The following ENOSF1 variants were observed in gnomAD, a reference collection of about 807,000 sequenced individuals.
ENOSF1 encodes enolase superfamily member 1.
Under a neutral mutation model 68.2 loss-of-function variants are expected in ENOSF1, and 73 were observed. The ratio of observed to expected loss-of-function variants is 1.07; its 90% CI spans 0.89 to 1.30. The LOEUF (loss-of-function observed/expected upper bound fraction) is 1.30, where lower values mean the gene tolerates loss of function less well. ENOSF1 is among the 50% of genes most tolerant of loss of function. The probability of loss-of-function intolerance (pLI) is 0.00; values close to 1 mark genes in which losing one functional copy is unlikely to be tolerated. For missense variants in ENOSF1, 589 were observed against 554.5 expected (o/e 1.06, Z -0.62); for synonymous variants, 223 against 210.4 (o/e 1.06, Z -0.52).
In ENOSF1 at chr18:685,984, A is replaced by G. The variant is rs1373350145; in HGVS notation, c.678T>C (p.Asp226=). The G allele has an allele frequency of 1.9e-6, 3 of 1,613,958 alleles. No individual in the cohort carries two copies. The African/African-American group carries it at 4.0e-5, about 22-fold the overall frequency. The part of the protein sequence containing the change: ...WTRFKVKVGA[D]LQDDMRRCQI... ...GGCATCTTCGCATGTCATCCTGGAG[A>G]TCAGCACCCACCTTTACTTTAAACC... is the stretch of plus-strand genomic sequence containing the variant. Residue 226 remains aspartate (D), a synonymous_variant, in exon 10 of 16, where the codon GAT becomes GAC. Coordinates refer to ENST00000647584, the MANE Select transcript of ENOSF1 (RefSeq NM_017512.7).
chr18:670,953 T>TA lies in ENOSF1; in HGVS notation c.*3351dup. The TA allele has an allele frequency of 6.9e-7, 1 of 1,458,752 alleles. No individual in the cohort carries two copies. Among genetic ancestry groups the TA allele is most frequent in the Non-Finnish European group, 9.3e-7 (1 of 1,071,400 alleles). 90.4% of individuals were successfully genotyped at this position (1,458,752 alleles called of 1,614,324 possible). A position where few individuals can be genotyped will look rare whatever the true frequency, so the allele number is the denominator to read the frequency against. ...ATATGGGAAAACAAATTGCAGAGTT[T>TA]AGTCTCTGATTAGCTTTTAAATTTG... On this transcript the variant is annotated 3_prime_UTR_variant, in exon 16 of 16. Coordinates refer to ENST00000647584, the MANE Select transcript of ENOSF1 (RefSeq NM_017512.7).
chr18:666,903 A>T (rs62090118), downstream of ENOSF1, among the ~76,000 whole-genome samples: 11,743 of 60,126 alleles, frequency 0.2, 1,587 homozygotes, highest in African/African-American at 0.39. Flanking sequence ...ATGGTGATGG[A>T]GATGGTGATG....
At position 706,822 on chromosome 18, in the gene ENOSF1, T is replaced by A. The variant is rs1220028490; in HGVS notation, c.85-244A>T. ...GTATGTATATATATATATATTTTTT[T>A]TTTTTTTCTTTTTTGAGACAGAGTC... On this transcript the variant is annotated intron_variant, in intron 1 of 15. Coordinates refer to ENST00000647584, the MANE Select transcript of ENOSF1 (RefSeq NM_017512.7). 2.7e-3 allele frequency: 421 copies of A among 156,892 alleles called. 3 individuals are homozygous for A. Among genetic ancestry groups the A allele is most frequent in the Non-Finnish European group, 4.5e-3 (329 of 72,860 alleles). 9.7% of individuals were successfully genotyped at this position (156,892 alleles called of 1,614,324 possible).
At chr18:706,014 T>C (rs1230735362) in intron 2 of ENOSF1, among the ~76,000 whole-genome samples, 4 of 151,890 alleles carry the variant, frequency 2.6e-5, no homozygotes, top group African/African-American at 7.3e-5. Flanking sequence ...GTCTCAAAAA[T>C]ATATACATAT....
At chr18:705,104 T>C (rs1280852095) in intron 2 of ENOSF1, among the ~76,000 whole-genome samples, 1 of 152,188 alleles carries the variant, frequency 6.6e-6, no homozygotes, top group Non-Finnish European at 1.5e-5. Flanking sequence ...ACTCACACAC[T>C]TCTTTTATAT....
rs201083818 is a variant in ENOSF1, at chr18:674,326, G to A, written c.1311C>T (p.Leu437=). ...QYPDGEVWKK[L]LPAQEN ...GCACTTAATTTTCTTGAGCAGGAAGGAGTTTCTTCCAAACTTCACCATCTG... is the reference window on the plus strand; with the variant it reads ...GCACTTAATTTTCTTGAGCAGGAAGAAGTTTCTTCCAAACTTCACCATCTG... Residue 437 remains leucine, a synonymous_variant, in exon 16 of 16, where the codon CTC becomes CTT. Transcript: ENST00000647584. 5.0e-6 allele frequency: 8 copies of A among 1,610,520 alleles called. No homozygotes were observed. The African/African-American group carries it at 8.0e-5, about 16-fold the overall frequency.
rs36005458 is a variant in ENOSF1, at chr18:670,551, G to A, written c.*3754C>T. On this transcript the variant is annotated 3_prime_UTR_variant, in exon 16 of 16. Coordinates refer to ENST00000647584, the MANE Select transcript of ENOSF1 (RefSeq NM_017512.7). ...GTGCCATCGCTGCAGAGGCTGTTAT[G>A]GACATCACTGCAGCCCAGTGGCTCT... 545 of 826,806 alleles carry A rather than the reference G, an allele frequency of 6.6e-4. 9 individuals carry two copies. The East Asian group carries it at 0.012, about 18-fold the overall frequency. 51.2% of individuals were successfully genotyped at this position (826,806 alleles called of 1,614,324 possible).
chr18:676,157 C>T (rs1423012106), intron 14 of ENOSF1, among the ~76,000 whole-genome samples: 1 of 152,226 alleles, frequency 6.6e-6, no homozygotes, highest in Admixed American at 6.5e-5. Flanking sequence ...GGTTCTGCGT[C>T]AGCCACTTTG....
intron 2 of ENOSF1, among the ~76,000 whole-genome samples, chr18:705,845 C>T (rs1428991524): frequency 6.6e-6 from 1 of 151,880 alleles, no homozygotes; most frequent in Admixed American, 6.6e-5. Context: ...CCTGTCTCTA[C>T]TAAAAATACA....
At chr18:681,077 G>C (rs8095754) in intron 11 of ENOSF1, among the ~76,000 whole-genome samples, 3,279 of 152,224 alleles carry the variant, frequency 0.022, 121 homozygotes, top group African/African-American at 0.076. Flanking sequence ...GGCCAGGCTG[G>C]TCTCAAACTC....
At chr18:706,321 A>ACACT in intron 2 of ENOSF1, 149 bp downstream of exon 2, 1 of 400,770 alleles carries the variant, frequency 2.5e-6, no homozygotes, top group Non-Finnish European at 4.2e-6. Context: ...AAACCATGAA[A>ACACT]CTTTTTACTC....
chr18:678,479 C>G (rs929607962), intron 12 of ENOSF1: 2 of 535,470 alleles, frequency 3.7e-6, no homozygotes, highest in African/African-American at 3.8e-5. Context: ...GAAAAAGATA[C>G]CCGACCTTAG....
rs1049172246 is a variant in ENOSF1, at chr18:682,521, T to C, written c.876+725A>G. On this transcript the variant is annotated intron_variant, in intron 11 of 15. Transcript: ENST00000647584. ...TCTTTCACTGACTGAAACATTGTTA[T>C]GGGGCACATGACTGTGCCAAACCAG... 2.0e-5 allele frequency among the ~76,000 whole-genome samples: 3 copies of C among 152,080 alleles called. No homozygotes were observed. In the South Asian group the frequency reaches 6.2e-4, roughly 31 times the overall value.
intron 2 of ENOSF1, among the ~76,000 whole-genome samples, chr18:704,957 G>GGAA (rs10693318): frequency 1.3e-5 from 2 of 151,766 alleles, no homozygotes; most frequent in Non-Finnish European, 2.9e-5. Context: ...GCAGCACTCA[G>GGAA]AAGTCTGCAG....
At chr18:693,106 C>A (rs2077369721) in intron 5 of ENOSF1, 1 of 1,288,834 alleles carries the variant, frequency 7.8e-7, no homozygotes. Flanking sequence ...GCCAGCTCTG[C>A]ATGGGGTCTG....
Position 697,308 on chromosome 18 carries a change from G to C in ENOSF1, c.241C>G (p.Leu81Val). The change falls in exon 3 of 16, where the codon CTC becomes GTC. Residue 81 changes from leucine (L) to valine (V), a missense_variant. Coordinates refer to ENST00000647584, the MANE Select transcript of ENOSF1 (RefSeq NM_017512.7). Reference protein sequence around the residue: ...ALAHHVLNKDLKDIVGDFRGF... With the variant: ...ALAHHVLNKDVKDIVGDFRGF... The stretch of plus-strand genomic sequence containing the variant: ...CTGAAGTCACCAACAATGTCCTTGA[G>C]GTCCTTGTTGAGCACATGGTGGGCG... 1.2e-6 allele frequency: 2 copies of C among 1,613,968 alleles called. No individual in the cohort carries two copies. Among genetic ancestry groups the C allele is most frequent in the East Asian group, 4.5e-5 (2 of 44,884 alleles).
At position 675,325 on chromosome 18, in the gene ENOSF1, G is replaced by GGA. The variant is rs2075376920; in HGVS notation, c.1224_1225dup (p.Pro409LeufsTer11). 1 of 1,610,876 alleles carries GGA rather than the reference G, an allele frequency of 6.2e-7. No homozygotes were observed. The highest frequency in any genetic ancestry group is 8.5e-7 in the Non-Finnish European group (1 of 1,179,120). ...GGCCCTCAGGCCACAGCTTACCTTG[G>GGA]GAGGCATGTAGGAAGCCCGCTGGAT... On this transcript the variant is annotated frameshift_variant, in exon 15 of 16. Coordinates refer to ENST00000647584, the MANE Select transcript of ENOSF1 (RefSeq NM_017512.7). LOFTEE classifies it high-confidence loss of function.
intron 11 of ENOSF1, among the ~76,000 whole-genome samples, chr18:682,754 A>G (rs931882163): frequency 1.3e-5 from 2 of 150,676 alleles, no homozygotes; most frequent in Non-Finnish European, 1.5e-5. Context: ...ATGGTGGCAC[A>G]CATCTGTAGT....
At chr18:710,121 T>C (rs976009111) in intron 1 of ENOSF1, among the ~76,000 whole-genome samples, 1 of 152,178 alleles carries the variant, frequency 6.6e-6, no homozygotes, top group Non-Finnish European at 1.5e-5. Context: ...AACCAGGCTG[T>C]CTTTTGAGAC....
Sources: allele counts gnomAD v4.1 joint callset (sites outside exome capture counted in the v4.1 genomes callset), GRCh38; gene constraint gnomAD v4.1.1; transcripts MANE v1.5; gene names NCBI Gene and HGNC (gene_info 2026-07-23, HGNC 2026-07-21).